ZNF487: variants seen among roughly 807,000 people sequenced by gnomAD.
ZNF487 encodes KRAB domain only 1.
Under a neutral mutation model 3.0 loss-of-function variants are expected in ZNF487, and 4 were observed. That is an observed-to-expected ratio of 1.35 (90% confidence interval 0.66 to 3.08). ZNF487 has a LOEUF of 3.08. ZNF487 is among the 30% of genes most tolerant of loss of function. The probability of loss-of-function intolerance (pLI) is 0.01; values close to 1 mark genes in which losing one functional copy is unlikely to be tolerated. For missense variants in ZNF487, 146 were observed against 98.7 expected, an observed-to-expected ratio of 1.48 and a Z score of -2.03; for synonymous variants, 55 against 34.6, an observed-to-expected ratio of 1.59 and a Z score of -2.06.
At chr10:43,493,709 A>AAAAAAAAATATAT in the ZNF487 span, among the ~76,000 whole-genome samples, 1 of 43,720 alleles carries the variant, frequency 2.3e-5, no homozygotes, top group Non-Finnish European at 4.0e-5. Flanking sequence ...AAAAAAAAAA[A>AAAAAAAAATATAT]ATATATATAT....
the ZNF487 span, among the ~76,000 whole-genome samples, chr10:43,503,783 T>C: frequency 6.6e-6 from 1 of 152,102 alleles, no homozygotes; most frequent in Non-Finnish European, 1.5e-5. Flanking sequence ...ATTTTTGTAT[T>C]TTTCTGTAGA....
At chr10:43,521,858 T>C in the ZNF487 span, among the ~76,000 whole-genome samples, 103,405 of 150,942 alleles carry the variant, frequency 0.69, 35,795 homozygotes, top group East Asian at 1. Flanking sequence ...ATGTAATATA[T>C]ACACACGTAT....
the ZNF487 span, among the ~76,000 whole-genome samples, chr10:43,493,726 A>G: frequency 1.7e-5 from 2 of 120,140 alleles, no homozygotes; most frequent in African/African-American, 3.4e-5. Context: ...ATATATATAT[A>G]TATATATATA....
rs1841357943 is a variant in ZNF487 at position 43,481,527 on chromosome 10, G to A, written c.229G>A (p.Asp77Asn). 2 of 715,166 alleles carry A rather than the reference G, an allele frequency of 2.8e-6. No homozygotes were observed. Among genetic ancestry groups the A allele is most frequent in the Non-Finnish European group, 5.2e-6 (2 of 384,584 alleles). The allele number at this position is 715,166 out of a possible 1,614,324, so 44.3% of individuals were successfully genotyped here. The change falls in exon 4 of 4, where the codon GAC (aspartate) becomes AAC (asparagine). Residue 77 changes from aspartate (D) to asparagine (N), a missense_variant. Transcript: ENST00000437590. ...DFVNNKTLTMDRNGVLGKTFS... is the reference protein window; with the variant it reads ...DFVNNKTLTMNRNGVLGKTFS... ...TGTCAACAATAAAACACTGACTATG[G>A]ACAGAAATGGTGTATTAGGAAAAAC...
At chr10:43,500,594 C>T in the ZNF487 span, among the ~76,000 whole-genome samples, 2 of 152,180 alleles carry the variant, frequency 1.3e-5, no homozygotes, top group South Asian at 4.2e-4. Context: ...CTCTGCCTCC[C>T]GGGCTCAGCT....
the ZNF487 span, among the ~76,000 whole-genome samples, chr10:43,494,221 C>A: frequency 6.6e-6 from 1 of 152,104 alleles, no homozygotes; most frequent in Non-Finnish European, 1.5e-5. Context: ...TTAGACAATA[C>A]ACAAACACAC....
chr10:43,514,063 G>C, the ZNF487 span, among the ~76,000 whole-genome samples: 6 of 152,286 alleles, frequency 3.9e-5, no homozygotes, highest in African/African-American at 1.4e-4. Flanking sequence ...TTCATTCAAG[G>C]GGTTCTGGAT....
the ZNF487 span, among the ~76,000 whole-genome samples, chr10:43,502,958 G>T: frequency 7.3e-5 from 11 of 151,286 alleles, no homozygotes; most frequent in African/African-American, 2.7e-4. Context: ...TTGAGCCTGG[G>T]AGTCAAGGCT....
chr10:43,464,859 T>C (rs1307657543), intron 1 of ZNF487, among the ~76,000 whole-genome samples: 2 of 152,198 alleles, frequency 1.3e-5, no homozygotes, highest in Admixed American at 1.3e-4. Context: ...ATCGTCATCA[T>C]GGCCCGTTCT....
At chr10:43,498,121 T>A in the ZNF487 span, among the ~76,000 whole-genome samples, 2,048 of 19,006 alleles carry the variant, frequency 0.11, 154 homozygotes, top group Non-Finnish European at 0.15. Flanking sequence ...TTTCTTTTTT[T>A]TTTTTTTTTT....
chr10:43,510,301 G>T, the ZNF487 span, among the ~76,000 whole-genome samples: 19 of 152,128 alleles, frequency 1.2e-4, no homozygotes, highest in African/African-American at 4.8e-5. Flanking sequence ...GCAGGTCATG[G>T]TTTTTTTCCT....
chr10:43,487,136 A>ATTTTT (rs5784601), downstream of ZNF487, among the ~76,000 whole-genome samples: 2 of 120,648 alleles, frequency 1.7e-5, no homozygotes, highest in East Asian at 2.7e-4. Flanking sequence ...GTCACTAAGA[A>ATTTTT]TTTTTTTTTT....
At chr10:43,461,453 G>A (rs2032453183) in intron 1 of ZNF487, among the ~76,000 whole-genome samples, 1 of 151,986 alleles carries the variant, frequency 6.6e-6, no homozygotes. Context: ...CTGAGTAGCT[G>A]GGACTACAGG....
chr10:43,459,495 G>C (rs191624510), intron 1 of ZNF487, among the ~76,000 whole-genome samples: 1 of 152,196 alleles, frequency 6.6e-6, no homozygotes, highest in African/African-American at 2.4e-5. Flanking sequence ...CTCCCCAAAT[G>C]CTGGGATTAC....
At chr10:43,516,749 A>T in the ZNF487 span, among the ~76,000 whole-genome samples, 7 of 152,298 alleles carry the variant, frequency 4.6e-5, no homozygotes, top group East Asian at 1.2e-3. Flanking sequence ...CCCAGATTAA[A>T]GGTGTGTCTG....
At chr10:43,458,681 A>G (rs1840309744) in intron 1 of ZNF487, among the ~76,000 whole-genome samples, 2 of 151,782 alleles carry the variant, frequency 1.3e-5, no homozygotes, top group South Asian at 4.1e-4. Context: ...TAGATGACTT[A>G]GTAGAGAGTC....
intron 1 of ZNF487, among the ~76,000 whole-genome samples, chr10:43,459,929 G>C (rs1399571859): frequency 6.6e-6 from 1 of 151,670 alleles, no homozygotes; most frequent in Non-Finnish European, 1.5e-5. Flanking sequence ...AGCCTCCCGA[G>C]TAGCTGGGAC....
chr10:43,515,169 A>T, the ZNF487 span, among the ~76,000 whole-genome samples: 1 of 152,294 alleles, frequency 6.6e-6, no homozygotes, highest in Admixed American at 6.5e-5. Flanking sequence ...ATCCATTCCC[A>T]TGCCTGTTCT....
chr10:43,442,335 G>T (rs1839645411), intron 1 of ZNF487, among the ~76,000 whole-genome samples: 1 of 151,736 alleles, frequency 6.6e-6, no homozygotes, highest in Non-Finnish European at 1.5e-5. Context: ...TTTATATATT[G>T]TTTTGGAATT....
Sources: gnomAD v4.1 joint callset for allele counts (sites outside exome capture counted in the v4.1 genomes callset) on GRCh38, gnomAD v4.1.1 for gene constraint, MANE v1.5 for transcripts, NCBI Gene and HGNC (gene_info 2026-07-23, HGNC 2026-07-21) for gene names.